Variants in PPP2R2B observed in about 807,000 individuals in gnomAD.
PPP2R2B encodes the protein serine/threonine-protein phosphatase 2A 55 kDa regulatory subunit B beta isoform.
In PPP2R2B, 5 loss-of-function variants were observed where a neutral mutation model predicts 46.0. That is an observed-to-expected ratio of 0.11 (90% CI 0.06 to 0.23). The LOEUF (loss-of-function observed/expected upper bound fraction) is 0.23. Among genes scored for constraint, PPP2R2B ranks in the 10% least tolerant of loss-of-function variants. PPP2R2B has a pLI of 1.00. For missense variants in PPP2R2B, 367 were observed against 575.0 expected (o/e 0.64, Z 3.70); for synonymous variants, 215 against 206.7 (o/e 1.04, Z -0.34).
At chr5:147,051,754 T>C (rs976209527) in intron 1 of PPP2R2B, among the ~76,000 whole-genome samples, 9 of 62,570 alleles carry the variant, frequency 1.4e-4, no homozygotes, top group Non-Finnish European at 2.5e-4. Context: ...TTTTGCTTCC[T>C]TTTTTTTTTT....
At chr5:146,609,970 AAGCTCGAACTGGGTGG>A (rs1772715357) in intron 7 of PPP2R2B, among the ~76,000 whole-genome samples, 1 of 143,556 alleles carries the variant, frequency 7.0e-6, no homozygotes, top group Non-Finnish European at 1.5e-5. Flanking sequence ...AGCAGCCGGG[AAGCTCGAACTGGGTGG>A]AGCCCACCAC....
At chr5:146,692,770 T>A (rs113849381) in intron 4 of PPP2R2B, among the ~76,000 whole-genome samples, 1 of 151,626 alleles carries the variant, frequency 6.6e-6, no homozygotes, top group Non-Finnish European at 1.5e-5. Context: ...TCCTGACCTC[T>A]TGATCCGCCT....
chr5:146,670,501 T>TTATG (rs1391378163), intron 5 of PPP2R2B, among the ~76,000 whole-genome samples: 1 of 151,334 alleles, frequency 6.6e-6, no homozygotes, highest in East Asian at 1.9e-4. Context: ...ATTTATTTAT[T>TTATG]TATTTATTTA....
At chr5:147,031,170 G>A (rs2151891562) in intron 1 of PPP2R2B, among the ~76,000 whole-genome samples, 1 of 152,122 alleles carries the variant, frequency 6.6e-6, no homozygotes, top group Non-Finnish European at 1.5e-5. Context: ...CCGGGAGGCG[G>A]AGCTTGCAGT....
At chr5:146,615,651 A>G (rs921361904) in intron 7 of PPP2R2B, among the ~76,000 whole-genome samples, 1 of 152,070 alleles carries the variant, frequency 6.6e-6, no homozygotes, top group Admixed American at 6.6e-5. Flanking sequence ...TACAACAGCT[A>G]CAAATTAAAA....
At chr5:146,782,839 GAA>G (rs1755613712) in intron 2 of PPP2R2B, among the ~76,000 whole-genome samples, 1 of 151,940 alleles carries the variant, frequency 6.6e-6, no homozygotes, top group South Asian at 2.1e-4. Flanking sequence ...GAAAAAGAAA[GAA>G]GAGAGGAGAG....
intron 7 of PPP2R2B, among the ~76,000 whole-genome samples, chr5:146,635,856 G>T (rs1561791582): frequency 6.6e-6 from 1 of 152,222 alleles, no homozygotes; most frequent in African/African-American, 2.4e-5. Context: ...GACCAAGTCA[G>T]ATTCAGTTCT....
At chr5:146,644,618 G>A (rs1478550604) in intron 6 of PPP2R2B, among the ~76,000 whole-genome samples, 1 of 152,166 alleles carries the variant, frequency 6.6e-6, no homozygotes, top group Non-Finnish European at 1.5e-5. Context: ...GTAACAAAAT[G>A]GGGACCAGAG....
intron 2 of PPP2R2B, among the ~76,000 whole-genome samples, chr5:146,813,660 G>T (rs776679191): frequency 6.6e-6 from 1 of 152,136 alleles, no homozygotes; most frequent in East Asian, 1.9e-4. Context: ...ATTCAAAGTC[G>T]AAACCTTCTA....
chr5:146,742,853 G>T (rs771170419), intron 2 of PPP2R2B, among the ~76,000 whole-genome samples: 2 of 152,124 alleles, frequency 1.3e-5, no homozygotes, highest in African/African-American at 2.4e-5. Flanking sequence ...CACACAGGGA[G>T]AATAGCACAT....
In PPP2R2B at chr5:147,014,136, TG is replaced by T. The variant is rs1754879243; in HGVS notation, c.79+41528del. On this transcript the variant is annotated intron_variant, in intron 1 of 8. Coordinates refer to the PPP2R2B transcript ENST00000336640. ...TGCAGCCAAAAAACACATGAAAAAA[TG>T]CTCATCATCACTGGCCATCAGAGAA... Among the ~76,000 whole-genome samples, 3 of 125,562 alleles carry T rather than the reference TG, an allele frequency of 2.4e-5. No homozygotes were observed. The South Asian group carries it at 8.0e-4, about 33-fold the overall frequency. 82.4% of individuals were successfully genotyped at this position (125,562 alleles called of 152,430 possible). A position where few individuals can be genotyped will look rare whatever the true frequency, so the allele number is the denominator to read the frequency against.
intron 2 of PPP2R2B, among the ~76,000 whole-genome samples, chr5:147,080,857 G>T (rs1045182874): frequency 1.3e-5 from 2 of 151,840 alleles, no homozygotes; most frequent in Non-Finnish European, 2.9e-5. Flanking sequence ...TTTCAGTGCC[G>T]CTCATTGGTA....
chr5:146,969,953 G>A (rs1224978906), intron 1 of PPP2R2B, among the ~76,000 whole-genome samples: 1 of 152,142 alleles, frequency 6.6e-6, no homozygotes, highest in East Asian at 1.9e-4. Context: ...TATCTGGGCT[G>A]GAAAATGAAT....
At chr5:146,725,411 G>A (rs1751804667) in intron 2 of PPP2R2B, among the ~76,000 whole-genome samples, 1 of 152,096 alleles carries the variant, frequency 6.6e-6, no homozygotes, top group Non-Finnish European at 1.5e-5. Flanking sequence ...ATCCGTTTCA[G>A]AAAAAAATAA....
At chr5:147,080,914 G>C (rs1757951676) in intron 2 of PPP2R2B, 2 of 710,484 alleles carry the variant, frequency 2.8e-6, no homozygotes, top group Non-Finnish European at 4.5e-6. Context: ...AGAGAAAGAA[G>C]TTATTAAATC....
At position 146,700,295 on chromosome 5, in the gene PPP2R2B, C is replaced by T. The variant is rs1581906546; in HGVS notation, c.168+750G>A. ...AACACAGACTGGCCTGCTGGAAGCT[C>T]GAAGACCATGCCAGGGGAGGCCAAG... On this transcript the variant is annotated intron_variant, in intron 3 of 9. Transcript: ENST00000394411. 2.6e-5 allele frequency among the ~76,000 whole-genome samples: 4 copies of T among 151,972 alleles called. No homozygotes were observed. The South Asian group carries it at 8.3e-4, about 32-fold the overall frequency.
At chr5:146,733,441 C>T (rs772114868) in intron 2 of PPP2R2B, among the ~76,000 whole-genome samples, 10 of 152,170 alleles carry the variant, frequency 6.6e-5, no homozygotes, top group African/African-American at 1.9e-4. Context: ...AATGAATAAG[C>T]TCTCTAATTA....
intron 3 of PPP2R2B, among the ~76,000 whole-genome samples, chr5:146,699,573 C>A (rs976725828): frequency 2.0e-5 from 3 of 150,868 alleles, no homozygotes; most frequent in African/African-American, 7.3e-5. Context: ...AAATGTAGAG[C>A]AGAATATTAC....
intron 5 of PPP2R2B, among the ~76,000 whole-genome samples, chr5:146,659,202 A>T (rs889783110): frequency 3.3e-5 from 5 of 152,218 alleles, no homozygotes; most frequent in Non-Finnish European, 7.3e-5. Flanking sequence ...ATCCCACTGG[A>T]TGCAACCAAA....
Sources: allele counts gnomAD v4.1 joint callset (sites outside exome capture counted in the v4.1 genomes callset), GRCh38; gene constraint gnomAD v4.1.1; transcripts MANE v1.5; gene names NCBI Gene and HGNC (gene_info 2026-07-23, HGNC 2026-07-21).